The following TASOR2 variants were observed in gnomAD, a reference collection of about 807,000 sequenced individuals.
The protein encoded by TASOR2 is protein TASOR 2.
TASOR2 carries 84 observed loss-of-function variants against 199.5 expected under a neutral mutation model. The observed-to-expected ratio is 0.42, with a 90% CI of 0.35 to 0.50. The LOEUF (loss-of-function observed/expected upper bound fraction) is 0.50. Among genes scored for constraint, TASOR2 ranks in the 20% least tolerant of loss-of-function variants. The pLI is 0.02. For missense variants in TASOR2, 2,796 were observed against 2,835.9 expected (o/e 0.99, Z 0.32); for synonymous variants, 1,103 against 1,046.6 (o/e 1.05, Z -1.04).
intron 10 of TASOR2, among the ~76,000 whole-genome samples, chr10:5,728,220 CAAAAAA>C (rs71388473): frequency 4.5e-5 from 6 of 134,406 alleles, no homozygotes; most frequent in Non-Finnish European, 9.6e-5. Flanking sequence ...GACCCTGTTT[CAAAAAA>C]AAAAAAAAAA....
At chr10:5,725,400 A>T (rs1462488744) in intron 8 of TASOR2, among the ~76,000 whole-genome samples, 1 of 101,296 alleles carries the variant, frequency 9.9e-6, no homozygotes, top group Non-Finnish European at 2.4e-5. Flanking sequence ...CAAAAAAAAA[A>T]AAAAAAAAAA....
intron 1 of TASOR2, among the ~76,000 whole-genome samples, chr10:5,695,381 C>G (rs1430144272): frequency 2.0e-5 from 3 of 152,110 alleles, no homozygotes; most frequent in Non-Finnish European, 4.4e-5. Flanking sequence ...GCTTTTTATG[C>G]ATTTGAGTAA....
chr10:5,740,363 T>C lies in TASOR2; in HGVS notation c.2193T>C (p.Ser731=), dbSNP rs773630511. ...CGTCTGCCCGTGTGAAAAAATCTTC[T>C]TGCTCTCGTATAGTGCTTAGCTGTG... Residue 731 remains serine, a synonymous_variant, in exon 13 of 21, where the codon TCT becomes TCC. Transcript: ENST00000328090. The surrounding 1 kb of genome is among the most constrained non-coding windows in gnomAD (Gnocchi z 5.3). The C allele has an allele frequency of 1.1e-5, 18 of 1,614,086 alleles. No individual in the cohort carries two copies. Among genetic ancestry groups the C allele is most frequent in the Non-Finnish European group, 1.0e-5 (12 of 1,180,038 alleles).
exon 16 of TASOR2, chr10:5,756,624 G>C: frequency 1.9e-6 from 3 of 1,612,734 alleles, no homozygotes; most frequent in Non-Finnish European, 2.5e-6. Context: ...ACCTTCTGAG[G>C]AAAGGAGGCC....
Position 5,733,868 on chromosome 10 carries a change from C to T in TASOR2, c.1205-1436C>T, listed in dbSNP as rs376810251. On this transcript the variant is annotated intron_variant, in intron 11 of 20. Transcript: ENST00000328090. ...AGTCTTATTGTTAAAAAAAAATACG[C>T]TGCTTTAGTACTTATTAATATAATA... is the stretch of plus-strand genomic sequence containing the variant. Among the ~76,000 whole-genome samples the T allele has an allele frequency of 5.3e-5, 8 of 152,076 alleles. No individual in the cohort carries two copies. The South Asian group carries it at 1.7e-3, about 32-fold the overall frequency.
intron 3 of TASOR2, 108 bp downstream of exon 4, chr10:5,717,858 T>A (rs1832849371): frequency 4.7e-6 from 2 of 428,560 alleles, no homozygotes; most frequent in African/African-American, 4.1e-5. Flanking sequence ...CAAAGTTAGC[T>A]ATCCAAATTC....
exon 15 of TASOR2, chr10:5,747,236 G>A (rs1283845349): frequency 3.1e-6 from 5 of 1,614,036 alleles, no homozygotes; most frequent in Non-Finnish European, 4.2e-6. Flanking sequence ...AGAGAGGTCA[G>A]CCTAGAGTTA....
Position 5,740,087 on chromosome 10 carries a change from A to C in TASOR2, c.1917A>C (p.Leu639=). Residue 639 remains leucine, a synonymous_variant, in exon 13 of 21, where the codon CTA becomes CTC. Transcript: ENST00000328090. The surrounding 1 kb of genome is among the most constrained non-coding windows in gnomAD (Gnocchi z 5.3). ...AGTCAGCACTTACTGAGGAAATGCTAGAATCTTCAGATGCAAGCCAAAGCT... is the reference window on the plus strand; with the variant it reads ...AGTCAGCACTTACTGAGGAAATGCTCGAATCTTCAGATGCAAGCCAAAGCT... The C allele has an allele frequency of 6.2e-7, 1 of 1,614,108 alleles. No homozygotes were observed. Among genetic ancestry groups the C allele is most frequent in the East Asian group, 2.2e-5 (1 of 44,888 alleles).
At position 5,687,272 on chromosome 10, in the gene TASOR2, G is replaced by A. The variant is rs763768887; in HGVS notation, c.-288+2097G>A. Among the ~76,000 whole-genome samples, 10 of 152,026 alleles carry A rather than the reference G, an allele frequency of 6.6e-5. No individual in the cohort carries two copies. Among genetic ancestry groups the A allele is most frequent in the Non-Finnish European group, 1.3e-4 (9 of 68,002 alleles). On this transcript the variant is annotated intron_variant, in intron 1 of 20. Coordinates refer to ENST00000328090, the Ensembl canonical transcript of TASOR2. This position sits in a 1 kb window ranked among gnomAD's most constrained non-coding sequence, Gnocchi z 4.8. ...AGGAGGAATGCGTTCCCTGCCCCCCGTTACCCTGGCCATTATTAATTTTGT... is the reference window on the plus strand; with the variant it reads ...AGGAGGAATGCGTTCCCTGCCCCCCATTACCCTGGCCATTATTAATTTTGT...
rs1316869851 is a variant in TASOR2, at chr10:5,722,381, G to C, written c.147-1296G>C. 6.6e-6 allele frequency among the ~76,000 whole-genome samples: 1 copy of C among 152,088 alleles called. No homozygotes were observed. The highest frequency in any genetic ancestry group is 2.4e-5 in the African/African-American group (1 of 41,396). On this transcript the variant is annotated intron_variant, in intron 6 of 20. Coordinates refer to ENST00000328090, the Ensembl canonical transcript of TASOR2. This position sits in a 1 kb window ranked among gnomAD's most constrained non-coding sequence, Gnocchi z 4.0. ...TGAGGCAGGAGAATCACTTGAACCT[G>C]GGAGGTGGAGGTTGCATTGAGCTGA...
chr10:5,727,733 C>T (rs576244031), intron 10 of TASOR2, among the ~76,000 whole-genome samples: 2 of 152,268 alleles, frequency 1.3e-5, no homozygotes, highest in South Asian at 2.1e-4. Flanking sequence ...TCAAACTCGG[C>T]TTCACTATCA....
chr10:5,743,947 G>A (rs546351696), intron 14 of TASOR2: 3 of 152,144 alleles, frequency 2.0e-5, no homozygotes, highest in Middle Eastern at 3.4e-3. Flanking sequence ...ACACTGGAAT[G>A]TGAAGAAGAG....
intron 17 of TASOR2, 50 bp downstream of exon 18, chr10:5,757,723 C>T (rs1564371451): frequency 6.3e-7 from 1 of 1,581,366 alleles, no homozygotes; most frequent in East Asian, 2.2e-5. Flanking sequence ...ATCAACTTCT[C>T]ACCCAGTGAC....
Position 5,730,375 on chromosome 10 carries a change from C to A in TASOR2, c.488-112C>A. The stretch of plus-strand genomic sequence containing the variant: ...GCCATTTAGGTTGTCATTTGAAATA[C>A]TATAACATATTTAACCATCACATAA... On this transcript the variant is annotated intron_variant, in intron 10 of 20. Coordinates refer to ENST00000328090, the Ensembl canonical transcript of TASOR2. This position sits in a 1 kb window ranked among gnomAD's most constrained non-coding sequence, Gnocchi z 4.1. 1 of 788,094 alleles carries A rather than the reference C, an allele frequency of 1.3e-6. No homozygotes were observed. Among genetic ancestry groups the A allele is most frequent in the Non-Finnish European group, 2.0e-6 (1 of 507,900 alleles). 48.8% of individuals were successfully genotyped at this position (788,094 alleles called of 1,614,324 possible).
chr10:5,706,409 C>T lies in TASOR2; in HGVS notation c.-287-6414C>T, dbSNP rs756872384. On this transcript the variant is annotated intron_variant, in intron 1 of 20. Coordinates refer to ENST00000328090, the Ensembl canonical transcript of TASOR2. The surrounding 1 kb of genome is among the most constrained non-coding windows in gnomAD (Gnocchi z 4.8). ...TAGATCAATTTTGTGTCTTAACATC[C>T]CCCAGCAAAGTTAGAAAGCCAGGCA... Among the ~76,000 whole-genome samples the T allele has an allele frequency of 6.6e-6, 1 of 151,962 alleles. No homozygotes were observed. The highest frequency in any genetic ancestry group is 2.4e-5 in the African/African-American group (1 of 41,358).
chr10:5,703,782 G>A (rs187487771), intron 1 of TASOR2, among the ~76,000 whole-genome samples: 191 of 152,158 alleles, frequency 1.3e-3, no homozygotes, highest in African/African-American at 4.3e-3. Flanking sequence ...GATTACAGGC[G>A]TGAGCCACCG....
At chr10:5,756,807 A>C in intron 16 of TASOR2, 69 bp downstream of exon 17, 5 of 1,509,682 alleles carry the variant, frequency 3.3e-6, no homozygotes, top group African/African-American at 1.4e-5. Context: ...GCTCAGACTC[A>C]TCCCTCTTTT....
chr10:5,757,529 T>G (rs1212168317), exon 17 of TASOR2: 1 of 1,601,220 alleles, frequency 6.2e-7, no homozygotes, highest in Non-Finnish European at 8.5e-7. Flanking sequence ...GATTCCTTCT[T>G]TGCTGAAGCT....
chr10:5,728,925 G>T (rs7093204), intron 10 of TASOR2, among the ~76,000 whole-genome samples: 130,910 of 150,588 alleles, frequency 0.87, 56,663 homozygotes, highest in Admixed American at 0.89. Flanking sequence ...TTTTATTTTT[G>T]TTTTTTAGTT....
Sources: gnomAD v4.1 joint callset for allele counts (sites outside exome capture counted in the v4.1 genomes callset) on GRCh38, gnomAD v4.1.1 for gene constraint, Gnocchi (gnomAD v3.1) non-coding constraint, MANE v1.5 for transcripts, NCBI Gene and HGNC (gene_info 2026-07-23, HGNC 2026-07-21) for gene names.